The following EIF4G3 variants were observed in gnomAD, a reference collection of about 807,000 sequenced individuals.
EIF4G3 encodes eukaryotic translation initiation factor 4 gamma 3.
EIF4G3 carries 34 observed loss-of-function variants against 186.4 expected under a neutral mutation model. That is an observed-to-expected ratio of 0.18 (90% CI 0.14 to 0.24). EIF4G3 has a LOEUF of 0.24. Among genes scored for constraint, EIF4G3 ranks in the 10% least tolerant of loss-of-function variants. The pLI is 1.00. For synonymous variants in EIF4G3, 673 were observed against 679.5 expected (o/e 0.99, Z 0.15); for missense variants, 1,536 against 1,948.5 (o/e 0.79, Z 3.99).
intron 29 of EIF4G3, among the ~76,000 whole-genome samples, chr1:20,842,264 G>A (rs1382048739): frequency 6.6e-6 from 1 of 152,160 alleles, no homozygotes; most frequent in Non-Finnish European, 1.5e-5. Flanking sequence ...GACTTTACAT[G>A]TTATGTTGTT....
chr1:20,834,621 C>T lies in EIF4G3; in HGVS notation c.4062-5349G>A, dbSNP rs561575907. Among the ~76,000 whole-genome samples the T allele has an allele frequency of 1.5e-3, 228 of 152,020 alleles. 1 individual carries two copies. The highest frequency in any genetic ancestry group is 6.8e-3 in the Middle Eastern group (2 of 294). On this transcript the variant is annotated intron_variant, in intron 30 of 36. Coordinates refer to ENST00000602326, the MANE Select transcript of EIF4G3 (RefSeq NM_001391906.1). ...ATATGAGACAAAAAGGACATTAAGTCAAAAACTATAAAAAGAGACAAAGGT... is the reference window on the plus strand; with the variant it reads ...ATATGAGACAAAAAGGACATTAAGTTAAAAACTATAAAAAGAGACAAAGGT...
chr1:21,173,265 C>T (rs925026473), intron 2 of EIF4G3, among the ~76,000 whole-genome samples: 1 of 150,580 alleles, frequency 6.6e-6, no homozygotes, highest in Non-Finnish European at 1.5e-5. Context: ...GGTGCAGTCT[C>T]GGCTCATTGC....
At chr1:20,990,846 G>A (rs1442503731) in intron 7 of EIF4G3, among the ~76,000 whole-genome samples, 1 of 152,152 alleles carries the variant, frequency 6.6e-6, no homozygotes, top group Non-Finnish European at 1.5e-5. Context: ...CTGAAACCAA[G>A]TCTGCAATAT....
intron 8 of EIF4G3, 51 bp from the exon 9 acceptor site, chr1:20,981,278 TATATAAA>T: frequency 1.8e-5 from 22 of 1,227,852 alleles, no homozygotes; most frequent in Non-Finnish European, 2.4e-5. Flanking sequence ...CACAGGGGAA[TATATAAA>T]TTTTACTGTC....
chr1:21,037,170 A>G (rs555937384), intron 4 of EIF4G3, among the ~76,000 whole-genome samples: 1 of 152,080 alleles, frequency 6.6e-6, no homozygotes, highest in Admixed American at 6.6e-5. Flanking sequence ...GGCTCTTTTT[A>G]AGTTAAGCTT....
chr1:20,951,293 G>A (rs936047784), intron 12 of EIF4G3, among the ~76,000 whole-genome samples: 5 of 152,012 alleles, frequency 3.3e-5, no homozygotes, highest in African/African-American at 1.2e-4. Flanking sequence ...ATTTATATTT[G>A]ACTATATAAG....
intron 6 of EIF4G3, among the ~76,000 whole-genome samples, chr1:21,000,848 C>T (rs927892752): frequency 6.6e-6 from 1 of 152,158 alleles, no homozygotes; most frequent in South Asian, 2.1e-4. Flanking sequence ...CAACTACAGA[C>T]AATTTCCTCC....
At chr1:21,096,641 A>G (rs2096378201) in intron 2 of EIF4G3, among the ~76,000 whole-genome samples, 1 of 152,208 alleles carries the variant, frequency 6.6e-6, no homozygotes. Flanking sequence ...ACATGCTGAT[A>G]TGCCAAATTC....
chr1:21,138,339 A>G (rs537357119), intron 2 of EIF4G3, among the ~76,000 whole-genome samples: 1 of 152,342 alleles, frequency 6.6e-6, no homozygotes, highest in South Asian at 2.1e-4. Context: ...TACATGAATC[A>G]CAATGACCCA....
chr1:21,002,575 A>AGTAG, intron 5 of EIF4G3, 138 bp downstream of exon 5: 1 of 804,086 alleles, frequency 1.2e-6, no homozygotes, highest in Non-Finnish European at 2.0e-6. Context: ...AACAAATAAT[A>AGTAG]GTAGGAGTCA....
At chr1:20,889,063 T>C (rs2085115936) in intron 18 of EIF4G3, among the ~76,000 whole-genome samples, 1 of 152,212 alleles carries the variant, frequency 6.6e-6, no homozygotes, top group South Asian at 2.1e-4. Flanking sequence ...GGTTGATTAG[T>C]GAGCCATTTT....
At chr1:20,980,910 C>T (rs1181625836) in intron 9 of EIF4G3, 138 bp downstream of exon 9, 2 of 607,474 alleles carry the variant, frequency 3.3e-6, no homozygotes, top group East Asian at 6.1e-5. Flanking sequence ...CACAAAAGGG[C>T]TAGATTTGTA....
chr1:20,834,134 C>T (rs1282300232), intron 30 of EIF4G3, among the ~76,000 whole-genome samples: 2 of 152,048 alleles, frequency 1.3e-5, no homozygotes, highest in Admixed American at 1.3e-4. Flanking sequence ...AATCAAAAGA[C>T]TGAGTGGCTA....
At chr1:20,901,746 G>T (rs111401513) in intron 15 of EIF4G3, among the ~76,000 whole-genome samples, 3 of 151,862 alleles carry the variant, frequency 2.0e-5, no homozygotes, top group Non-Finnish European at 4.4e-5. Context: ...ATATTTATGG[G>T]TTTTTTTTAA....
At chr1:21,084,701 T>G (rs773743044) in intron 3 of EIF4G3, among the ~76,000 whole-genome samples, 1 of 151,464 alleles carries the variant, frequency 6.6e-6, no homozygotes, top group Non-Finnish European at 1.5e-5. Flanking sequence ...CCACAAATGT[T>G]TTTTTTTTCC....
Position 20,871,099 on chromosome 1 carries a change from T to A in EIF4G3, c.2623-5837A>T, listed in dbSNP as rs188814392. Among the ~76,000 whole-genome samples the A allele has an allele frequency of 3.2e-3, 490 of 152,012 alleles. 5 individuals carry two copies. The highest frequency in any genetic ancestry group is 0.029 in the South Asian group (141 of 4,818). ...TACCCTTTAAGACTTCAAGAAAAAA[T>A]TAACAAACAAAATAATTTTATACTC... is the stretch of plus-strand genomic sequence containing the variant. On this transcript the variant is annotated intron_variant, in intron 20 of 36. Coordinates refer to ENST00000602326, the MANE Select transcript of EIF4G3 (RefSeq NM_001391906.1).
At chr1:21,035,220 G>A (rs2093083217) in intron 4 of EIF4G3, among the ~76,000 whole-genome samples, 1 of 152,194 alleles carries the variant, frequency 6.6e-6, no homozygotes, top group Admixed American at 6.5e-5. Flanking sequence ...GTTCATTTGT[G>A]CAGGGCTGGC....
At chr1:20,950,468 C>G (rs919163063) in intron 12 of EIF4G3, among the ~76,000 whole-genome samples, 2 of 152,062 alleles carry the variant, frequency 1.3e-5, no homozygotes, top group Non-Finnish European at 2.9e-5. Flanking sequence ...GAATTTAACA[C>G]CCTCCCAAAG....
intron 4 of EIF4G3, among the ~76,000 whole-genome samples, chr1:21,042,007 G>C (rs2093612841): frequency 6.8e-6 from 1 of 147,994 alleles, no homozygotes; most frequent in Admixed American, 6.7e-5. Context: ...TTTTTTTGGA[G>C]ACAGGGTCTC....
Sources: gnomAD v4.1 joint callset for allele counts (sites outside exome capture counted in the v4.1 genomes callset) on GRCh38, gnomAD v4.1.1 for gene constraint, MANE v1.5 for transcripts, NCBI Gene and HGNC (gene_info 2026-07-23, HGNC 2026-07-21) for gene names.